The following HMCN1 variants were observed in gnomAD, a reference collection of about 807,000 sequenced individuals.
The protein encoded by HMCN1 is hemicentin-1.
HMCN1 carries 321 observed loss-of-function variants against 625.9 expected under a neutral mutation model. The observed-to-expected ratio is 0.51, with a 90% CI of 0.47 to 0.56. The LOEUF (loss-of-function observed/expected upper bound fraction) is 0.56. Among genes scored for constraint, HMCN1 ranks in the 20% least tolerant of loss-of-function variants. The probability of loss-of-function intolerance (pLI) is 0.00; values close to 1 mark genes in which losing one functional copy is unlikely to be tolerated. For missense variants in HMCN1, 6,588 were observed against 6,887.3 expected, an observed-to-expected ratio of 0.96 and a Z score of 1.54; for synonymous variants, 2,425 against 2,417.6, an observed-to-expected ratio of 1.00 and a Z score of -0.09.
intron 31 of HMCN1, 147 bp downstream of exon 31, chr1:186,015,584 T>A: frequency 1.2e-6 from 1 of 842,610 alleles, no homozygotes; most frequent in Non-Finnish European, 1.9e-6. Context: ...TTCCATGATT[T>A]GGAAAAATAT....
rs746973449 is a variant in HMCN1 at position 185,965,813 on chromosome 1, T to C, written c.2110T>C (p.Leu704=). The C allele has an allele frequency of 1.9e-6, 3 of 1,606,478 alleles. No individual in the cohort carries two copies. The highest frequency in any genetic ancestry group is 2.6e-6 in the Non-Finnish European group (3 of 1,173,184). ...TTTGTTTTTTTCAGAAGCCCCTAAG[T>C]TGATGGTAGTTCAGAGTGAGCTCTT... ...STLRYIEAPK[L]MVVQSELLVA... Residue 704 remains leucine, a synonymous_variant, in exon 14 of 107, where the codon TTG becomes CTG. Coordinates refer to ENST00000271588, the MANE Select transcript of HMCN1 (RefSeq NM_031935.3).
At chr1:186,033,077 C>CACACAG (rs927241122) in intron 36 of HMCN1, among the ~76,000 whole-genome samples, 4 of 151,832 alleles carry the variant, frequency 2.6e-5, no homozygotes, top group African/African-American at 9.7e-5. Flanking sequence ...CACACACACA[C>CACACAG]ACACACACAC....
At chr1:186,129,852 C>T in intron 83 of HMCN1, 114 bp from the exon 84 acceptor site, 2 of 1,242,278 alleles carry the variant, frequency 1.6e-6, no homozygotes, top group Middle Eastern at 1.9e-4. Context: ...CCAATGTCAT[C>T]TCTTTGGTTC....
At chr1:185,812,329 A>G (rs1179099211) in intron 1 of HMCN1, among the ~76,000 whole-genome samples, 1 of 152,184 alleles carries the variant, frequency 6.6e-6, no homozygotes, top group Non-Finnish European at 1.5e-5. Flanking sequence ...GAAAATACAT[A>G]CACAAGAGAC....
intron 13 of HMCN1, 131 bp downstream of exon 13, chr1:185,964,026 A>G: frequency 2.5e-6 from 2 of 792,946 alleles, no homozygotes; most frequent in Non-Finnish European, 4.2e-6. Flanking sequence ...CATTTCACAC[A>G]CTGATTGAAG....
At chr1:185,880,019 G>T in intron 4 of HMCN1, among the ~76,000 whole-genome samples, 1 of 152,200 alleles carries the variant, frequency 6.6e-6, no homozygotes, top group East Asian at 1.9e-4. Context: ...TTGTGAAGCA[G>T]GCAGGAGTGG....
At chr1:185,817,764 G>A (rs565520643) in intron 1 of HMCN1, among the ~76,000 whole-genome samples, 55 of 152,236 alleles carry the variant, frequency 3.6e-4, no homozygotes, top group African/African-American at 1.3e-3. Flanking sequence ...ATTAGTATGT[G>A]TACAGTCAGA....
chr1:185,746,784 T>C (rs1654435755), intron 1 of HMCN1, among the ~76,000 whole-genome samples: 1 of 151,976 alleles, frequency 6.6e-6, no homozygotes, highest in Non-Finnish European at 1.5e-5. Flanking sequence ...TTTTTGTATT[T>C]TTAGTAGAGA....
rs1319488166 is a variant in HMCN1 at position 186,108,465 on chromosome 1, T to C, written c.10857T>C (p.Pro3619=). The change falls in exon 71 of 107, where the codon CCT becomes CCC. Residue 3619 remains proline (P), a synonymous_variant. Transcript: ENST00000271588. ...TGTATTTGTTCTCACACCCAGTACCTCCTAATATTGCTGGAACTGATGAGC... is the reference window on the plus strand; with the variant it reads ...TGTATTTGTTCTCACACCCAGTACCCCCTAATATTGCTGGAACTGATGAGC... ...DKEYLVRVHV[P]PNIAGTDEPR... is the part of the protein sequence containing the mutation. 8 of 1,614,096 alleles carry C rather than the reference T, an allele frequency of 5.0e-6. No individual in the cohort carries two copies. The highest frequency in any genetic ancestry group is 1.1e-5 in the South Asian group (1 of 91,082).
In HMCN1 at chr1:185,993,301, A is replaced by G; in HGVS notation, c.3497A>G (p.Asn1166Ser). The G allele has an allele frequency of 6.2e-7, 1 of 1,612,856 alleles. No individual in the cohort carries two copies. The highest frequency in any genetic ancestry group is 8.5e-7 in the Non-Finnish European group (1 of 1,179,000). Reference protein sequence around the residue: ...AGNVTQAVKLNVHVPPKIQRG... With the variant: ...AGNVTQAVKLSVHVPPKIQRG... ...AATGTGACTCAGGCTGTCAAATTAAATGTCCATGGTGAGTCTTGAAATGAG... is the reference window on the plus strand; with the variant it reads ...AATGTGACTCAGGCTGTCAAATTAAGTGTCCATGGTGAGTCTTGAAATGAG... Residue 1166 changes from asparagine to serine, a missense_variant, in exon 23 of 107, where the codon AAT becomes AGT. Around this residue, in one of 3 missense-constraint regions of HMCN1, gnomAD observed 4,628 missense variants for 4,853.1 expected, o/e 0.95. Transcript: ENST00000271588.
chr1:185,865,977 C>T, intron 4 of HMCN1, 114 bp downstream of exon 4: 1 of 963,292 alleles, frequency 1.0e-6, no homozygotes, highest in Admixed American at 2.0e-5. Flanking sequence ...AAAGGTATAA[C>T]TCCAAGGCCA....
chr1:186,007,371 A>G lies in HMCN1; in HGVS notation c.4630+89A>G, dbSNP rs1653712233. The G allele has an allele frequency of 1.6e-5, 19 of 1,222,858 alleles. No individual in the cohort carries two copies. The Middle Eastern group carries it at 5.7e-4, about 37-fold the overall frequency. 75.8% of individuals were successfully genotyped at this position (1,222,858 alleles called of 1,614,324 possible). A position where few individuals can be genotyped will look rare whatever the true frequency, so the allele number is the denominator to read the frequency against. Reference sequence around the variant, plus strand: ...ACTGGTAACTACACTCTTATTTCATACTGAATAATTTGGAATACTACATAC... The same window carrying G: ...ACTGGTAACTACACTCTTATTTCATGCTGAATAATTTGGAATACTACATAC... On this transcript the variant is annotated intron_variant, in intron 30 of 106. Coordinates refer to ENST00000271588, the MANE Select transcript of HMCN1 (RefSeq NM_031935.3).
chr1:185,767,534 TTAACAG>T (rs1388108044), intron 1 of HMCN1, among the ~76,000 whole-genome samples: 3 of 152,188 alleles, frequency 2.0e-5, no homozygotes, highest in Admixed American at 2.0e-4. Context: ...TGCAGCTGAT[TTAACAG>T]TAACACAATC....
chr1:186,024,797 A>G (rs2102172488), intron 36 of HMCN1, among the ~76,000 whole-genome samples: 1 of 152,210 alleles, frequency 6.6e-6, no homozygotes, highest in South Asian at 2.1e-4. Flanking sequence ...TCTCTAGACT[A>G]TTTTTAAAAT....
Position 186,108,531 on chromosome 1 carries a change from G to T in HMCN1, c.10923G>T (p.Leu3641Phe). 1.2e-6 allele frequency: 2 copies of T among 1,614,100 alleles called. No individual in the cohort carries two copies. Among genetic ancestry groups the T allele is most frequent in the Non-Finnish European group, 1.7e-6 (2 of 1,180,014 alleles). The change falls in exon 71 of 107, where the codon TTG (leucine) becomes TTT (phenylalanine). Residue 3641 changes from leucine (L) to phenylalanine (F), a missense_variant. By Grantham distance (22) the Leu-to-Phe change is conservative. Around this residue, in one of 3 missense-constraint regions of HMCN1, gnomAD observed 4,628 missense variants for 4,853.1 expected, o/e 0.95. Coordinates refer to ENST00000271588, the MANE Select transcript of HMCN1 (RefSeq NM_031935.3). ...TGTTACGGAACAGACAAGTGACATT[G>T]GAATGCAAGTCAGATGCAGTGCCCC... ...ITVLRNRQVT[L>F]ECKSDAVPPP...
At chr1:185,980,498 A>G (rs1412209866) in intron 16 of HMCN1, among the ~76,000 whole-genome samples, 1 of 152,138 alleles carries the variant, frequency 6.6e-6, no homozygotes, top group Non-Finnish European at 1.5e-5. Flanking sequence ...AATCTGGCCC[A>G]TGTTTCACCT....
chr1:186,187,249 A>C (rs576784358), intron 105 of HMCN1, among the ~76,000 whole-genome samples: 2 of 152,174 alleles, frequency 1.3e-5, no homozygotes, highest in African/African-American at 4.8e-5. Flanking sequence ...CAGAGGATAG[A>C]CTCAACACAG....
intron 1 of HMCN1, among the ~76,000 whole-genome samples, chr1:185,816,943 T>A (rs765515527): frequency 5.3e-5 from 8 of 152,098 alleles, no homozygotes; most frequent in Non-Finnish European, 1.2e-4. Context: ...CAGTGGAAAC[T>A]CCATGAGGGC....
chr1:185,749,345 T>A (rs1186122003), intron 1 of HMCN1, among the ~76,000 whole-genome samples: 1 of 152,228 alleles, frequency 6.6e-6, no homozygotes, highest in East Asian at 1.9e-4. Context: ...TTGAATGTTT[T>A]CTTTTTCATG....
Sources: allele counts gnomAD v4.1 joint callset (sites outside exome capture counted in the v4.1 genomes callset), GRCh38; gene constraint gnomAD v4.1.1; regional missense constraint gnomAD v4.1.1; transcripts MANE v1.5; gene names NCBI Gene and HGNC (gene_info 2026-07-23, HGNC 2026-07-21).